The following APPBP2 variants were observed in gnomAD, a reference collection of about 807,000 sequenced individuals.
The protein encoded by APPBP2 is amyloid beta precursor protein binding protein 2.
A neutral mutation model predicts 76.0 loss-of-function variants in APPBP2; 15 were observed. The observed-to-expected ratio is 0.20, with a 90% CI of 0.13 to 0.30. The LOEUF (loss-of-function observed/expected upper bound fraction) is 0.30. Ranked by LOEUF, APPBP2 falls within the 10% of genes least tolerant of loss-of-function variation. The probability of loss-of-function intolerance (pLI) is 1.00; values close to 1 mark genes in which losing one functional copy is unlikely to be tolerated. For synonymous variants in APPBP2, 222 were observed against 242.2 expected, an observed-to-expected ratio of 0.92 and a Z score of 0.77; for missense variants, 401 against 687.2, an observed-to-expected ratio of 0.58 and a Z score of 4.66.
intron 3 of APPBP2, among the ~76,000 whole-genome samples, chr17:60,485,139 T>C (rs543557484): frequency 6.6e-6 from 1 of 152,322 alleles, no homozygotes; most frequent in Non-Finnish European, 1.5e-5. Context: ...CGCATCGATG[T>C]TCATCAGGGA....
rs2090612314 is a variant in APPBP2, at chr17:60,479,200, T to G, written c.451A>C (p.Thr151Pro). The change falls in exon 4 of 13, where the codon ACT (threonine) becomes CCT (proline). Residue 151 changes from threonine (T) to proline (P), a missense_variant. Transcript: ENST00000083182. ...CAATGAAGCATCTCATCGTGTAGAG[T>G]ACACAACTGAAGGCAGGACAGAAAA... Reference protein sequence around the residue: ...KVFLSCLQLCTLHDEMLHWFR... With the variant: ...KVFLSCLQLCPLHDEMLHWFR... The G allele has an allele frequency of 6.2e-7, 1 of 1,613,832 alleles. No individual in the cohort carries two copies. The highest frequency in any genetic ancestry group is 8.5e-7 in the Non-Finnish European group (1 of 1,179,904).
intron 4 of APPBP2, among the ~76,000 whole-genome samples, chr17:60,468,746 A>G (rs2090529496): frequency 6.6e-6 from 1 of 152,204 alleles, no homozygotes; most frequent in South Asian, 2.1e-4. Flanking sequence ...TTTTATCCCA[A>G]CCTTCTGCCT....
intron 3 of APPBP2, among the ~76,000 whole-genome samples, chr17:60,492,970 C>T (rs566303819): frequency 2.6e-5 from 4 of 152,242 alleles, no homozygotes; most frequent in African/African-American, 4.8e-5. Flanking sequence ...ATAATTCCCA[C>T]GTGTTGTGGG....
chr17:60,497,440 A>T (rs1015066354), intron 2 of APPBP2, among the ~76,000 whole-genome samples: 8 of 152,226 alleles, frequency 5.3e-5, no homozygotes, highest in Non-Finnish European at 1.2e-4. Context: ...TGCTAACACA[A>T]CAGGATTATA....
chr17:60,471,157 T>G (rs2090549574), intron 4 of APPBP2, among the ~76,000 whole-genome samples: 1 of 152,168 alleles, frequency 6.6e-6, no homozygotes, highest in South Asian at 2.1e-4. Flanking sequence ...TACTAGAAAC[T>G]TAATTGACAT....
chr17:60,517,049 C>T (rs563416047), intron 1 of APPBP2, among the ~76,000 whole-genome samples: 2 of 152,232 alleles, frequency 1.3e-5, no homozygotes, highest in African/African-American at 4.8e-5. Flanking sequence ...GATCTCAGCT[C>T]GCTGCAGCCT....
intron 12 of APPBP2, among the ~76,000 whole-genome samples, chr17:60,451,007 T>C (rs1313778380): frequency 4.6e-5 from 7 of 152,198 alleles, no homozygotes; most frequent in African/African-American, 9.7e-5. Flanking sequence ...ATGATGGCCA[T>C]AGATTCCTTA....
chr17:60,507,226 C>CA (rs1567939232), intron 1 of APPBP2, among the ~76,000 whole-genome samples: 2 of 141,202 alleles, frequency 1.4e-5, no homozygotes, highest in Non-Finnish European at 3.1e-5. Flanking sequence ...TTTCTTTTTT[C>CA]TTTTTTTTTT....
Sources: allele counts gnomAD v4.1 joint callset (sites outside exome capture counted in the v4.1 genomes callset), GRCh38; gene constraint gnomAD v4.1.1; transcripts MANE v1.5; gene names NCBI Gene and HGNC (gene_info 2026-07-23, HGNC 2026-07-21).